The following ATP2A2 variants were observed in gnomAD, a reference collection of about 807,000 sequenced individuals.
ATP2A2 encodes the protein sarcoplasmic/endoplasmic reticulum calcium ATPase 2.
Under a neutral mutation model 109.3 loss-of-function variants are expected in ATP2A2, and 14 were observed. The ratio of observed to expected loss-of-function variants is 0.13; its 90% CI spans 0.08 to 0.20. ATP2A2 has a LOEUF of 0.20. Among genes scored for constraint, ATP2A2 ranks in the 10% least tolerant of loss-of-function variants. The probability of loss-of-function intolerance (pLI) is 1.00; values close to 1 mark genes in which losing one functional copy is unlikely to be tolerated. For synonymous variants in ATP2A2, 506 were observed against 490.9 expected (o/e 1.03, Z -0.41); for missense variants, 657 against 1,321.6 (o/e 0.50, Z 7.80).
chr12:110,333,883 A>T, intron 10 of ATP2A2, 129 bp from the exon 11 acceptor site: 1 of 1,157,786 alleles, frequency 8.6e-7, no homozygotes, highest in Non-Finnish European at 1.3e-6. Context: ...GTTTCAGAGG[A>T]GGATAAAAAT....
At chr12:110,294,918 C>G (rs1566204877) in intron 4 of ATP2A2, among the ~76,000 whole-genome samples, 1 of 151,810 alleles carries the variant, frequency 6.6e-6, no homozygotes, top group Non-Finnish European at 1.5e-5. Context: ...CTCCCGGACT[C>G]AAGAGATTCT....
intron 5 of ATP2A2, among the ~76,000 whole-genome samples, chr12:110,317,432 A>G (rs139750293): frequency 7.5e-4 from 114 of 152,088 alleles, no homozygotes; most frequent in African/African-American, 2.5e-3. Context: ...TTTTTTTGAG[A>G]TGGAGTCTCA....
intron 3 of ATP2A2, among the ~76,000 whole-genome samples, chr12:110,289,009 G>A (rs760160406): frequency 1.3e-5 from 2 of 152,166 alleles, no homozygotes; most frequent in East Asian, 1.9e-4. Context: ...AGGACTGCCC[G>A]ACATGATCTG....
chr12:110,314,415 A>C (rs1474337429), intron 5 of ATP2A2, among the ~76,000 whole-genome samples: 1 of 152,172 alleles, frequency 6.6e-6, no homozygotes, highest in Non-Finnish European at 1.5e-5. Context: ...ATGGGGAAAC[A>C]GGAGGGACAT....
rs1592874179 is a variant in ATP2A2, at chr12:110,349,310, G to C, written c.*2840G>C. ...CAGCAGCTGCCCAGCCCCGCAATGTGCCTGCTGTCAGGCAGCTCTTGCCTG... is the reference window on the plus strand; with the variant it reads ...CAGCAGCTGCCCAGCCCCGCAATGTCCCTGCTGTCAGGCAGCTCTTGCCTG... On this transcript the variant is annotated 3_prime_UTR_variant, in exon 20 of 20. Transcript: ENST00000539276. The C allele has an allele frequency of 2.0e-6, 2 of 985,446 alleles. No homozygotes were observed. The highest frequency in any genetic ancestry group is 2.3e-4 in the East Asian group (2 of 8,836). 61.0% of individuals were successfully genotyped at this position (985,446 alleles called of 1,614,324 possible).
rs1491495436 is a variant in ATP2A2, at chr12:110,293,871, T to TATA, written c.324+1747_324+1748insATA. ...GTGTGTGTGTGTGTGTGTGTATATATTTTTTTTTTTTTTTTTTTTTTTTTA... is the reference window on the plus strand; with the variant it reads ...GTGTGTGTGTGTGTGTGTGTATATATATATTTTTTTTTTTTTTTTTTTTTTTTA... On this transcript the variant is annotated intron_variant, in intron 4 of 19. Transcript: ENST00000539276. Among the ~76,000 whole-genome samples, 180 of 79,490 alleles carry TATA rather than the reference T, an allele frequency of 2.3e-3. 1 individual carries two copies. Among genetic ancestry groups the TATA allele is most frequent in the African/African-American group, 9.0e-3 (153 of 17,032 alleles). 52.1% of individuals were successfully genotyped at this position (79,490 alleles called of 152,430 possible).
intron 5 of ATP2A2, among the ~76,000 whole-genome samples, chr12:110,302,887 G>A (rs963374568): frequency 3.3e-5 from 5 of 152,046 alleles, no homozygotes; most frequent in African/African-American, 1.2e-4. Context: ...GTGAGCCACC[G>A]TGCCTGGCCT....
Position 110,326,575 on chromosome 12 carries a change from AG to A in ATP2A2, c.630+102del, listed in dbSNP as rs1877824385. 6.2e-6 allele frequency: 7 copies of A among 1,122,160 alleles called. No individual in the cohort carries two copies. The African/African-American group carries it at 7.7e-5, about 12-fold the overall frequency. The allele number at this position is 1,122,160 out of a possible 1,614,324, so 69.5% of individuals were successfully genotyped here. On this transcript the variant is annotated intron_variant, in intron 7 of 19. Transcript: ENST00000539276. ...CAACCATCACTGGCTATCATTCTAA[AG>A]GATAATCACACTTTTCATGGTCAGT...
At chr12:110,311,353 G>A (rs1003238003) in intron 5 of ATP2A2, among the ~76,000 whole-genome samples, 1 of 152,110 alleles carries the variant, frequency 6.6e-6, no homozygotes, top group Non-Finnish European at 1.5e-5. Context: ...TCTTTGGGAG[G>A]CGGAGGCGGG....
At chr12:110,325,673 A>C (rs1408723146) in intron 6 of ATP2A2, 1 of 152,376 alleles carries the variant, frequency 6.6e-6, no homozygotes, top group Non-Finnish European at 1.5e-5. Flanking sequence ...CGATCTTTCC[A>C]GTACACTTGC....
chr12:110,286,224 A>G (rs1872650705), intron 3 of ATP2A2, among the ~76,000 whole-genome samples: 1 of 152,152 alleles, frequency 6.6e-6, no homozygotes, highest in African/African-American at 2.4e-5. Flanking sequence ...CGCCTGGCCT[A>G]AGTTAGTGCT....
rs776224675 is a variant in ATP2A2, at chr12:110,339,259, T to TG, written c.1420-22_1420-21insG. Reference sequence around the variant, plus strand: ...GTTCAGAAATTGCCACCCAGTAGTATCCATATTTGTTCCCTTTGTAGGTCA... The same window carrying TG: ...GTTCAGAAATTGCCACCCAGTAGTATGCCATATTTGTTCCCTTTGTAGGTCA... On this transcript the variant is annotated intron_variant, in intron 11 of 19. Transcript: ENST00000539276. The surrounding 1 kb of genome is among the most constrained non-coding windows in gnomAD (Gnocchi z 4.4). The TG allele has an allele frequency of 2.9e-5, 46 of 1,613,520 alleles. No individual in the cohort carries two copies. The Admixed American group carries it at 7.7e-4, about 27-fold the overall frequency.
At chr12:110,314,426 A>G (rs1876441496) in intron 5 of ATP2A2, among the ~76,000 whole-genome samples, 1 of 152,216 alleles carries the variant, frequency 6.6e-6, no homozygotes, top group African/African-American at 2.4e-5. Flanking sequence ...GGAGGGACAT[A>G]AACTTGGTGG....
rs1253087265 is a variant in ATP2A2 at position 110,349,382 on chromosome 12, C to G, written c.*2912C>G. 5.1e-6 allele frequency: 5 copies of G among 985,434 alleles called. No homozygotes were observed. Among genetic ancestry groups the G allele is most frequent in the Non-Finnish European group, 6.0e-6 (5 of 830,016 alleles). 61.0% of individuals were successfully genotyped at this position (985,434 alleles called of 1,614,324 possible). On this transcript the variant is annotated 3_prime_UTR_variant, in exon 20 of 20. Coordinates refer to ENST00000539276, the MANE Select transcript of ATP2A2 (RefSeq NM_170665.4). ...CCTGATGGGCAGGTGGCTGAAGGCC[C>G]AGCCATCAGTGTCGCTTGTTGCCAC...
At chr12:110,282,504 A>T in intron 1 of ATP2A2, 100 bp from the exon 2 acceptor site, 1 of 1,439,922 alleles carries the variant, frequency 6.9e-7, no homozygotes, top group Non-Finnish European at 9.7e-7. Context: ...TTAGAATTGT[A>T]GCAGTTCTTT....
At position 110,332,563 on chromosome 12, in the gene ATP2A2, C is replaced by A. The variant is rs1177926535; in HGVS notation, c.1096-34C>A. 3 of 1,543,182 alleles carry A rather than the reference C, an allele frequency of 1.9e-6. No individual in the cohort carries two copies. In the African/African-American group the frequency reaches 4.1e-5, roughly 21 times the overall value. On this transcript the variant is annotated intron_variant, in intron 8 of 19. Transcript: ENST00000539276. ...TTTGTGTAGCATTTTTTAAAAATCC[C>A]TTTTAAATACTCTGATGCGCTCTCC...
At position 110,282,701 on chromosome 12, in the gene ATP2A2, T is replaced by C. The variant is rs376032579; in HGVS notation, c.137-12T>C. The stretch of plus-strand genomic sequence containing the variant: ...AGATGACAGTTAAAACACATGTGTT[T>C]GTTTCTTACAGGAAAAACCTTGCTG... On this transcript the variant is annotated splice_polypyrimidine_tract_variant and intron_variant, in intron 2 of 19. Coordinates refer to ENST00000539276, the MANE Select transcript of ATP2A2 (RefSeq NM_170665.4). 3.8e-4 allele frequency: 610 copies of C among 1,614,134 alleles called. 5 individuals are homozygous for C. The highest frequency in any genetic ancestry group is 2.3e-3 in the South Asian group (210 of 91,084).
At position 110,340,592 on chromosome 12, in the gene ATP2A2, A is replaced by AT; in HGVS notation, c.1762-62dup. On this transcript the variant is annotated intron_variant, in intron 13 of 19. Coordinates refer to ENST00000539276, the MANE Select transcript of ATP2A2 (RefSeq NM_170665.4). The surrounding 1 kb of genome is among the most constrained non-coding windows in gnomAD (Gnocchi z 6.0). ...AACCTGTCTCAATGTTTAACTGGGC[A>AT]TTTTTCAAACTAGGGGACAAAAACT... is the stretch of plus-strand genomic sequence containing the variant. The AT allele has an allele frequency of 6.5e-7, 1 of 1,543,244 alleles. No homozygotes were observed. Among genetic ancestry groups the AT allele is most frequent in the Non-Finnish European group, 8.9e-7 (1 of 1,122,558 alleles).
intron 3 of ATP2A2, among the ~76,000 whole-genome samples, chr12:110,284,371 C>CT (rs1172782933): frequency 6.6e-6 from 1 of 152,148 alleles, no homozygotes; most frequent in African/African-American, 2.4e-5. Flanking sequence ...TCATTGGGAA[C>CT]TTCTTAAAAA....
Sources: gnomAD v4.1 joint callset for allele counts (sites outside exome capture counted in the v4.1 genomes callset) on GRCh38, gnomAD v4.1.1 for gene constraint, Gnocchi (gnomAD v3.1) non-coding constraint, MANE v1.5 for transcripts, NCBI Gene and HGNC (gene_info 2026-07-23, HGNC 2026-07-21) for gene names.